The following TNS1 variants were observed in gnomAD, a reference collection of about 807,000 sequenced individuals.
The protein encoded by TNS1 is tensin 1.
A neutral mutation model predicts 168.6 loss-of-function variants in TNS1; 62 were observed. The ratio of observed to expected loss-of-function variants is 0.37; its 90% CI spans 0.30 to 0.45. The LOEUF is 0.45. Ranked by LOEUF, TNS1 falls within the 20% of genes least tolerant of loss-of-function variation. The pLI is 1.00. For synonymous variants in TNS1, 934 were observed against 933.2 expected (o/e 1.00, Z -0.02); for missense variants, 2,240 against 2,339.4 (o/e 0.96, Z 0.88).
chr2:217,888,965 C>T (rs927850764), intron 12 of TNS1, among the ~76,000 whole-genome samples: 10 of 152,214 alleles, frequency 6.6e-5, no homozygotes, highest in African/African-American at 2.4e-4. Context: ...CCCATTCTCT[C>T]CAAGCCACAC....
At chr2:217,834,904 C>T (rs910143902) in intron 21 of TNS1, among the ~76,000 whole-genome samples, 187 bp downstream of exon 21, 8 of 152,258 alleles carry the variant, frequency 5.3e-5, no homozygotes, top group East Asian at 1.9e-4. Flanking sequence ...TGAGTGTGGA[C>T]GACGGAGAAG....
chr2:217,996,873 C>A lies in TNS1; in HGVS notation c.34-5817G>T, dbSNP rs181052248. Among the ~76,000 whole-genome samples, 314 of 152,212 alleles carry A rather than the reference C, an allele frequency of 2.1e-3. 3 individuals are homozygous for A. Among genetic ancestry groups the A allele is most frequent in the African/African-American group, 6.9e-3 (288 of 41,548 alleles). ...GTCTTCCCAGATGTCCAGAATAAAC[C>A]CTGCCCTCCCTGGAGCCAGCAGGAG... On this transcript the variant is annotated intron_variant, in intron 1 of 32. Coordinates refer to ENST00000682258, the MANE Select transcript of TNS1 (RefSeq NM_001387777.1).
chr2:217,965,711 G>A (rs1957609422), intron 3 of TNS1, among the ~76,000 whole-genome samples: 1 of 152,220 alleles, frequency 6.6e-6, no homozygotes, highest in Admixed American at 6.5e-5. Context: ...CACCCCGGGA[G>A]GCGGCCGTCC....
upstream of TNS1, among the ~76,000 whole-genome samples, chr2:218,012,522 C>T (rs376332779): frequency 8.5e-5 from 13 of 152,118 alleles, no homozygotes; most frequent in African/African-American, 2.9e-4. Context: ...GCATGAGGTG[C>T]CTCAAGCCAA....
At chr2:217,949,473 T>C (rs1424221815) in intron 3 of TNS1, among the ~76,000 whole-genome samples, 1 of 152,202 alleles carries the variant, frequency 6.6e-6, no homozygotes, top group African/African-American at 2.4e-5. Flanking sequence ...ATTTTGAGGC[T>C]TCTAGACCAG....
intron 3 of TNS1, among the ~76,000 whole-genome samples, chr2:217,930,763 T>C (rs1332455822): frequency 6.6e-6 from 1 of 152,134 alleles, no homozygotes; most frequent in Non-Finnish European, 1.5e-5. Context: ...GCCGCCATGC[T>C]AGAAGAGGAG....
chr2:217,946,969 T>A (rs3055025), intron 3 of TNS1, among the ~76,000 whole-genome samples: 37,641 of 117,796 alleles, frequency 0.32, 7,751 homozygotes, highest in African/African-American at 0.64. Context: ...TCTCTCTCTC[T>A]CACACACACA....
At chr2:217,877,155 G>A (rs937839420) in intron 18 of TNS1, among the ~76,000 whole-genome samples, 3 of 151,908 alleles carry the variant, frequency 2.0e-5, no homozygotes, top group African/African-American at 7.3e-5. Flanking sequence ...GAGCAGGTGA[G>A]CCCAAAGTCT....
chr2:217,847,753 C>G lies in TNS1; in HGVS notation c.2764G>C (p.Asp922His), dbSNP rs756712481. The part of the protein sequence containing the change: ...VPPGRSYSPY[D>H]YQPCLAGPNQ... ...GGCCCAGCCAAACATGGCTGATAGTCATAAGGTGAGTAAGACCTGCCAGGA... is the reference window on the plus strand; with the variant it reads ...GGCCCAGCCAAACATGGCTGATAGTGATAAGGTGAGTAAGACCTGCCAGGA... Residue 922 changes from aspartate (D) to histidine (H), a missense_variant, in exon 19 of 33, where the codon GAC becomes CAC. Asp to His is a moderately conservative substitution (Grantham distance 81). Coordinates refer to ENST00000682258, the MANE Select transcript of TNS1 (RefSeq NM_001387777.1). 1.9e-6 allele frequency: 3 copies of G among 1,608,772 alleles called. No homozygotes were observed. In the African/African-American group the frequency reaches 4.0e-5, roughly 22 times the overall value.
intron 3 of TNS1, among the ~76,000 whole-genome samples, chr2:217,952,438 C>G (rs556956392): frequency 8.5e-5 from 13 of 152,224 alleles, no homozygotes; most frequent in Admixed American, 3.9e-4. Context: ...TTCATTAAGG[C>G]CCACTTCCCA....
At chr2:217,856,674 A>AAAAAAATTACC (rs1390303460) in intron 18 of TNS1, among the ~76,000 whole-genome samples, 23 of 152,278 alleles carry the variant, frequency 1.5e-4, no homozygotes, top group Middle Eastern at 3.4e-3. Flanking sequence ...GGAACACGTA[A>AAAAAAATTACC]AAAGATTTTT....
intron 3 of TNS1, among the ~76,000 whole-genome samples, chr2:217,945,813 C>A (rs1312651719): frequency 6.6e-6 from 1 of 152,168 alleles, no homozygotes; most frequent in Non-Finnish European, 1.5e-5. Context: ...ACCTGCCACC[C>A]CCACTGCAGA....
intron 20 of TNS1, among the ~76,000 whole-genome samples, chr2:217,835,805 A>G (rs1233617999): frequency 6.6e-6 from 1 of 152,164 alleles, no homozygotes; most frequent in African/African-American, 2.4e-5. Flanking sequence ...GGAAACTTCA[A>G]TCTCAATATT....
chr2:217,900,444 C>T lies in TNS1; in HGVS notation c.371+19G>A, dbSNP rs1431168910. The T allele has an allele frequency of 1.3e-6, 2 of 1,534,670 alleles. No individual in the cohort carries two copies. The highest frequency in any genetic ancestry group is 1.7e-6 in the Non-Finnish European group (2 of 1,146,732). On this transcript the variant is annotated intron_variant, in intron 7 of 32. Coordinates refer to ENST00000682258, the MANE Select transcript of TNS1 (RefSeq NM_001387777.1). ...CCCTGCTTGCACTCCCGCCCCCTGCCCCCACGGGCCAGGCATACCTGATGG... is the reference window on the plus strand; with the variant it reads ...CCCTGCTTGCACTCCCGCCCCCTGCTCCCACGGGCCAGGCATACCTGATGG...
At chr2:217,864,251 T>C (rs1949057876) in intron 18 of TNS1, among the ~76,000 whole-genome samples, 1 of 152,106 alleles carries the variant, frequency 6.6e-6, no homozygotes, top group African/African-American at 2.4e-5. Flanking sequence ...CAGTCCTCAC[T>C]GAATGGGGAG....
At chr2:217,873,706 C>A (rs1949971656) in intron 18 of TNS1, among the ~76,000 whole-genome samples, 1 of 152,140 alleles carries the variant, frequency 6.6e-6, no homozygotes. Flanking sequence ...ACCATGTTCG[C>A]CACCCAAAGG....
At chr2:217,994,742 T>A (rs941360167) in intron 1 of TNS1, among the ~76,000 whole-genome samples, 1 of 152,178 alleles carries the variant, frequency 6.6e-6, no homozygotes, top group East Asian at 1.9e-4. Flanking sequence ...TACAAAATAT[T>A]TCCCCCCTGG....
intron 22 of TNS1, among the ~76,000 whole-genome samples, chr2:217,831,024 T>C (rs1174098905): frequency 6.6e-6 from 1 of 152,134 alleles, no homozygotes; most frequent in Admixed American, 6.5e-5. Flanking sequence ...CCAGCTGGGC[T>C]GCCAGCAGAG....
At chr2:217,932,995 C>T (rs573530291) in intron 3 of TNS1, among the ~76,000 whole-genome samples, 6 of 152,316 alleles carry the variant, frequency 3.9e-5, no homozygotes, top group African/African-American at 1.4e-4. Flanking sequence ...GAGGGCAGGA[C>T]AGCCCAGCTC....
Sources: allele counts gnomAD v4.1 joint callset (sites outside exome capture counted in the v4.1 genomes callset), GRCh38; gene constraint gnomAD v4.1.1; transcripts MANE v1.5; gene names NCBI Gene and HGNC (gene_info 2026-07-23, HGNC 2026-07-21).